LRP1B: variants seen among roughly 807,000 people sequenced by gnomAD.
LRP1B encodes the protein low-density lipoprotein receptor-related protein 1B.
A neutral mutation model predicts 556.6 loss-of-function variants in LRP1B; 217 were observed. The ratio of observed to expected loss-of-function variants is 0.39; its 90% confidence interval spans 0.35 to 0.44. LRP1B has a LOEUF of 0.44. Ranked by LOEUF, LRP1B falls within the 20% of genes least tolerant of loss-of-function variation. LRP1B has a pLI of 1.00. For missense variants in LRP1B, 5,053 were observed against 5,620.8 expected (o/e 0.90, Z 3.23); for synonymous variants, 2,047 against 1,865.8 (o/e 1.10, Z -2.50).
intron 41 of LRP1B, among the ~76,000 whole-genome samples, chr2:140,686,332 A>G (rs1399886346): frequency 6.6e-6 from 1 of 152,100 alleles, no homozygotes. Flanking sequence ...GATATATAGA[A>G]AACTCCAGAA....
At chr2:141,394,511 GCATCCATTT>G in intron 3 of LRP1B, among the ~76,000 whole-genome samples, 1 of 152,094 alleles carries the variant, frequency 6.6e-6, no homozygotes, top group East Asian at 1.9e-4. Context: ...TTTCCCCAGG[GCATCCATTT>G]CCCTTTGCAT....
At chr2:140,426,491 A>G (rs1272173755) in intron 66 of LRP1B, among the ~76,000 whole-genome samples, 1 of 152,084 alleles carries the variant, frequency 6.6e-6, no homozygotes, top group Non-Finnish European at 1.5e-5. Context: ...ACATTCCACC[A>G]CAAAAGAAGT....
At chr2:141,320,762 G>A (rs926478237) in intron 3 of LRP1B, among the ~76,000 whole-genome samples, 2 of 152,000 alleles carry the variant, frequency 1.3e-5, no homozygotes, top group African/African-American at 4.8e-5. Flanking sequence ...TACAGGATTC[G>A]CAGTTTCACG....
In LRP1B at chr2:141,458,014, T is replaced by C. The variant is rs192556192; in HGVS notation, c.343+22382A>G. On this transcript the variant is annotated intron_variant, in intron 3 of 90. Coordinates refer to ENST00000389484, the MANE Select transcript of LRP1B (RefSeq NM_018557.3). ...TAAGATGAGTAATAAGCTTTCATTG[T>C]AAATACAAAATAAAAGTACTGTTTG... Among the ~76,000 whole-genome samples the C allele has an allele frequency of 2.4e-3, 365 of 152,316 alleles. 2 individuals carry two copies. Among genetic ancestry groups the C allele is most frequent in the Non-Finnish European group, 3.4e-3 (233 of 68,018 alleles).
chr2:140,919,149 A>G (rs921040098), intron 21 of LRP1B, among the ~76,000 whole-genome samples: 3 of 152,052 alleles, frequency 2.0e-5, no homozygotes, highest in Non-Finnish European at 4.4e-5. Flanking sequence ...TTTTCTTCAC[A>G]TATGTTAAAA....
At chr2:141,348,832 C>T (rs1257740885) in intron 3 of LRP1B, among the ~76,000 whole-genome samples, 4 of 151,976 alleles carry the variant, frequency 2.6e-5, no homozygotes, top group Admixed American at 2.6e-4. Flanking sequence ...GTAAATGAAT[C>T]ATGGGGGGCA....
chr2:142,053,674 A>G (rs1393729768), intron 1 of LRP1B, among the ~76,000 whole-genome samples: 1 of 152,164 alleles, frequency 6.6e-6, no homozygotes. Flanking sequence ...TGGAAAATTC[A>G]TAATTATGAT....
intron 43 of LRP1B, among the ~76,000 whole-genome samples, chr2:140,579,851 T>C (rs1051089142): frequency 3.3e-5 from 5 of 151,938 alleles, no homozygotes; most frequent in Admixed American, 1.3e-4. Flanking sequence ...CAAAAAATAA[T>C]AATAAAATAA....
In LRP1B at chr2:141,517,015, A is replaced by AC. The variant is rs1553526012; in HGVS notation, c.206-36483_206-36482insG. 1.5e-4 allele frequency among the ~76,000 whole-genome samples: 18 copies of AC among 123,796 alleles called. 1 individual carries two copies. Among genetic ancestry groups the AC allele is most frequent in the Admixed American group, 8.1e-4 (9 of 11,170 alleles). 81.2% of individuals were successfully genotyped at this position (123,796 alleles called of 152,430 possible). A position where few individuals can be genotyped will look rare whatever the true frequency, so the allele number is the denominator to read the frequency against. On this transcript the variant is annotated intron_variant, in intron 2 of 90. Transcript: ENST00000389484. ...TCTGGCCCGTCTCTTAAAAAAAAAA[A>AC]AAAAAAAAAAAAAAAAAGTAAATCA...
chr2:140,298,556 G>T (rs1431407922), intron 83 of LRP1B, among the ~76,000 whole-genome samples: 1 of 152,092 alleles, frequency 6.6e-6, no homozygotes, highest in African/African-American at 2.4e-5. Flanking sequence ...ATCTAATTTT[G>T]TCTAATTTTG....
At chr2:141,996,971 T>C (rs1320234247) in intron 1 of LRP1B, among the ~76,000 whole-genome samples, 1 of 152,174 alleles carries the variant, frequency 6.6e-6, no homozygotes, top group Non-Finnish European at 1.5e-5. Context: ...ATAGGTTTCT[T>C]AGAGTTTATC....
At chr2:140,641,244 G>T (rs767713628) in intron 41 of LRP1B, among the ~76,000 whole-genome samples, 16 of 152,130 alleles carry the variant, frequency 1.1e-4, no homozygotes, top group Non-Finnish European at 2.1e-4. Flanking sequence ...AGGGAAATTA[G>T]CTTTACCCAA....
Position 141,447,754 on chromosome 2 carries a change from G to A in LRP1B, c.343+32642C>T, listed in dbSNP as rs373597021. ...TATCACCAGCAGAGGCTACAGGACA[G>A]CAAAGATTGCTGCCTGTTCCTTCCT... On this transcript the variant is annotated intron_variant, in intron 3 of 90. Transcript: ENST00000389484. Among the ~76,000 whole-genome samples, 64 of 152,282 alleles carry A rather than the reference G, an allele frequency of 4.2e-4. No individual in the cohort carries two copies. The East Asian group carries it at 9.5e-3, about 23-fold the overall frequency.
At chr2:141,961,716 CT>C (rs974736238) in intron 1 of LRP1B, among the ~76,000 whole-genome samples, 450 of 151,736 alleles carry the variant, frequency 3.0e-3, no homozygotes, top group African/African-American at 0.01. Flanking sequence ...TTTTCCAGAT[CT>C]TTTTACTTTA....
chr2:141,871,720 A>G (rs1030395346), intron 1 of LRP1B, among the ~76,000 whole-genome samples: 3 of 151,990 alleles, frequency 2.0e-5, no homozygotes, highest in Non-Finnish European at 2.9e-5. Flanking sequence ...CTCAAAATAG[A>G]TGAATGCACA....
At chr2:141,519,402 T>TATAC (rs1559118193) in intron 2 of LRP1B, among the ~76,000 whole-genome samples, 1 of 29,876 alleles carries the variant, frequency 3.3e-5, no homozygotes, top group Admixed American at 3.2e-4. Flanking sequence ...TATATATATA[T>TATAC]GAAATGCAAT....
intron 23 of LRP1B, among the ~76,000 whole-genome samples, chr2:140,892,751 G>A (rs1188853878): frequency 1.3e-5 from 2 of 152,052 alleles, no homozygotes; most frequent in African/African-American, 4.8e-5. Context: ...AAAGTTAGGG[G>A]CAACTTGAGT....
chr2:141,172,479 T>A (rs937952874), intron 7 of LRP1B, among the ~76,000 whole-genome samples: 1 of 152,088 alleles, frequency 6.6e-6, no homozygotes, highest in African/African-American at 2.4e-5. Context: ...TTACTCATAA[T>A]CTTACTGACT....
intron 3 of LRP1B, among the ~76,000 whole-genome samples, chr2:141,284,376 T>A (rs1425062486): frequency 6.6e-6 from 1 of 152,212 alleles, no homozygotes; most frequent in Non-Finnish European, 1.5e-5. Context: ...TAGAAAGATA[T>A]GTCTGGTGGC....
Sources: gnomAD v4.1 joint callset for allele counts (sites outside exome capture counted in the v4.1 genomes callset) on GRCh38, gnomAD v4.1.1 for gene constraint, MANE v1.5 for transcripts, NCBI Gene and HGNC (gene_info 2026-07-23, HGNC 2026-07-21) for gene names.